The following COPS3 variants were observed in gnomAD, a reference collection of about 807,000 sequenced individuals.
COPS3 encodes the protein COP9 signalosome complex subunit 3.
COPS3 carries 10 observed loss-of-function variants against 58.2 expected under a neutral mutation model. That is an observed-to-expected ratio of 0.17 (90% CI 0.11 to 0.29). The LOEUF is 0.29. Among genes scored for constraint, COPS3 ranks in the 10% least tolerant of loss-of-function variants. The pLI is 1.00. For synonymous variants in COPS3, 187 were observed against 181.7 expected (o/e 1.03, Z -0.24); for missense variants, 333 against 510.1 (o/e 0.65, Z 3.34).
chr17:17,253,819 T>A (rs931459718), intron 9 of COPS3, among the ~76,000 whole-genome samples: 1 of 152,106 alleles, frequency 6.6e-6, no homozygotes, highest in Non-Finnish European at 1.5e-5. Flanking sequence ...ATGAGGGTTA[T>A]GAGGTTTACA....
chr17:17,262,741 T>A (rs1338618706), intron 6 of COPS3, among the ~76,000 whole-genome samples: 6 of 148,706 alleles, frequency 4.0e-5, no homozygotes, highest in South Asian at 4.3e-4. Flanking sequence ...AAAAAAAAAA[T>A]ATTTTTTGTA....
chr17:17,275,875 G>A (rs2048450736), intron 2 of COPS3, among the ~76,000 whole-genome samples, 160 bp downstream of exon 2: 1 of 152,150 alleles, frequency 6.6e-6, no homozygotes, highest in Admixed American at 6.6e-5. Context: ...CCGGGAGGCG[G>A]AGCTTGCAGT....
chr17:17,263,237 G>A (rs1337546485), intron 6 of COPS3, among the ~76,000 whole-genome samples: 1 of 149,134 alleles, frequency 6.7e-6, no homozygotes, highest in African/African-American at 2.5e-5. Flanking sequence ...GCGGTGAGCC[G>A]AGATCGTGCC....
At chr17:17,254,031 G>A (rs1183264492) in intron 9 of COPS3, among the ~76,000 whole-genome samples, 2 of 151,626 alleles carry the variant, frequency 1.3e-5, no homozygotes, top group East Asian at 1.9e-4. Context: ...ACAGGGCTGG[G>A]CACAGTGGCT....
intron 4 of COPS3, among the ~76,000 whole-genome samples, chr17:17,269,178 T>C (rs8070574): frequency 0.51 from 76,712 of 151,892 alleles, 19,800 homozygotes; most frequent in East Asian, 0.63. Flanking sequence ...AATACAAAAA[T>C]CACTGGGAGG....
chr17:17,257,107 T>C (rs2047992061), intron 8 of COPS3, among the ~76,000 whole-genome samples: 1 of 152,182 alleles, frequency 6.6e-6, no homozygotes, highest in South Asian at 2.1e-4. Context: ...CTCACACCTG[T>C]CATCTTAGCA....
At chr17:17,259,673 T>A (rs1597673210) in intron 8 of COPS3, among the ~76,000 whole-genome samples, 1 of 152,090 alleles carries the variant, frequency 6.6e-6, no homozygotes. Flanking sequence ...GGCAGGTGGA[T>A]CACATGAGCA....
chr17:17,256,843 A>G (rs577676431), intron 8 of COPS3, among the ~76,000 whole-genome samples: 4 of 152,240 alleles, frequency 2.6e-5, no homozygotes, highest in African/African-American at 9.6e-5. Flanking sequence ...TTCCTGCCTC[A>G]GCTCCCCAAA....
At chr17:17,251,672 A>G (rs2145189777) in intron 9 of COPS3, among the ~76,000 whole-genome samples, 1 of 152,344 alleles carries the variant, frequency 6.6e-6, no homozygotes, top group African/African-American at 2.4e-5. Context: ...GGCTACATAC[A>G]GCATCATGCA....
chr17:17,269,847 T>C (rs2048306928), intron 4 of COPS3, among the ~76,000 whole-genome samples: 1 of 152,164 alleles, frequency 6.6e-6, no homozygotes, highest in African/African-American at 2.4e-5. Context: ...GTCAATTTGT[T>C]GATGCATTAT....
At chr17:17,275,777 A>G (rs2048448304) in intron 2 of COPS3, among the ~76,000 whole-genome samples, 1 of 152,160 alleles carries the variant, frequency 6.6e-6, no homozygotes, top group African/African-American at 2.4e-5. Flanking sequence ...CCCTGTCTCT[A>G]CTAAAAATAC....
Position 17,247,480 on chromosome 17 carries a change from C to T in COPS3, c.1218G>A (p.Lys406=). 1 of 1,614,154 alleles carries T rather than the reference C, an allele frequency of 6.2e-7. No individual in the cohort carries two copies. The highest frequency in any genetic ancestry group is 8.5e-7 in the Non-Finnish European group (1 of 1,179,970). The change falls in exon 11 of 12, where the codon AAG becomes AAA. Residue 406 remains lysine (K), a splice_region_variant and synonymous_variant. Transcript: ENST00000268717. ...EITVNPQFVQ[K]SMGSQEDDSG... Reference sequence around the variant, plus strand: ...CTTGTAATAAGGGAACCCTCATCACCTTTTGTACAAACTGAGGGTTCACTG... The same window carrying T: ...CTTGTAATAAGGGAACCCTCATCACTTTTTGTACAAACTGAGGGTTCACTG...
At chr17:17,247,659 T>C in intron 10 of COPS3, 99 bp from the exon 11 acceptor site, 4 of 1,193,750 alleles carry the variant, frequency 3.4e-6, no homozygotes, top group Non-Finnish European at 4.8e-6. Flanking sequence ...AGGTTCACAA[T>C]CTCTTGATGT....
At chr17:17,255,485 CA>C (rs10529108) in intron 8 of COPS3, among the ~76,000 whole-genome samples, 4 of 129,030 alleles carry the variant, frequency 3.1e-5, no homozygotes, top group East Asian at 2.3e-4. Flanking sequence ...GACTCTATTT[CA>C]AAAAAAAAAG....
intron 8 of COPS3, among the ~76,000 whole-genome samples, chr17:17,256,868 G>C (rs2047988326): frequency 6.6e-6 from 1 of 152,166 alleles, no homozygotes; most frequent in Non-Finnish European, 1.5e-5. Flanking sequence ...TGGAAGTACA[G>C]GGGTAAGCCA....
At chr17:17,270,585 G>A (rs184778587) in intron 4 of COPS3, among the ~76,000 whole-genome samples, 173 bp downstream of exon 4, 1 of 152,130 alleles carries the variant, frequency 6.6e-6, no homozygotes, top group African/African-American at 2.4e-5. Context: ...ACCTCATTCA[G>A]GGGATGCGGG....
At chr17:17,263,839 C>T (rs944991702) in intron 6 of COPS3, among the ~76,000 whole-genome samples, 2 of 152,188 alleles carry the variant, frequency 1.3e-5, no homozygotes, top group Non-Finnish European at 2.9e-5. Context: ...AACACCCACT[C>T]ATCCTGATAT....
In COPS3 at chr17:17,259,403, G is replaced by A. The variant is rs560902722; in HGVS notation, c.936+898C>T. ...CATTATTTTTCTGTACTGTTTGAAC[G>A]TTTGACATTAAGCATATTTTCTATA... On this transcript the variant is annotated intron_variant, in intron 8 of 11. Coordinates refer to ENST00000268717, the MANE Select transcript of COPS3 (RefSeq NM_003653.4). Among the ~76,000 whole-genome samples, 13 of 152,178 alleles carry A rather than the reference G, an allele frequency of 8.5e-5. No individual in the cohort carries two copies. In the South Asian group the frequency reaches 2.7e-3, roughly 32 times the overall value.
intron 1 of COPS3, chr17:17,280,927 C>A (rs989270198): frequency 3.4e-6 from 3 of 876,726 alleles, no homozygotes; most frequent in Admixed American, 3.2e-5. Context: ...GGAGGCCGGC[C>A]GGCGAGGACA....
Sources: allele counts gnomAD v4.1 joint callset (sites outside exome capture counted in the v4.1 genomes callset), GRCh38; gene constraint gnomAD v4.1.1; transcripts MANE v1.5; gene names NCBI Gene and HGNC (gene_info 2026-07-23, HGNC 2026-07-21).